The following CPEB1 variants were observed in gnomAD, a reference collection of about 807,000 sequenced individuals.
The protein encoded by CPEB1 is cytoplasmic polyadenylation element-binding protein 1.
CPEB1 carries 7 observed loss-of-function variants against 65.8 expected under a neutral mutation model. That is an observed-to-expected ratio of 0.11 (90% CI 0.06 to 0.20). The LOEUF is 0.20. Among genes scored for constraint, CPEB1 ranks in the 10% least tolerant of loss-of-function variants. The probability of loss-of-function intolerance (pLI) is 1.00; values close to 1 mark genes in which losing one functional copy is unlikely to be tolerated. For synonymous variants in CPEB1, 262 were observed against 260.0 expected (o/e 1.01, Z -0.08); for missense variants, 551 against 712.2 (o/e 0.77, Z 2.58).
At chr15:82,595,707 C>T (rs1172606685) in intron 3 of CPEB1, among the ~76,000 whole-genome samples, 3 of 152,138 alleles carry the variant, frequency 2.0e-5, no homozygotes, top group East Asian at 1.9e-4. Flanking sequence ...TTTGAAGAAA[C>T]GTTCTCTTCT....
intron 3 of CPEB1, among the ~76,000 whole-genome samples, chr15:82,606,873 C>T (rs1187024082): frequency 6.6e-6 from 1 of 151,656 alleles, no homozygotes; most frequent in East Asian, 1.9e-4. Flanking sequence ...TAGCTCATGC[C>T]TGCAATCCCA....
At chr15:82,610,000 C>T (rs1259182) in intron 3 of CPEB1, among the ~76,000 whole-genome samples, 59,839 of 148,786 alleles carry the variant, frequency 0.4, 12,014 homozygotes, top group South Asian at 0.49. Context: ...GTGGAGGTTG[C>T]GGTGAGCCGA....
chr15:82,619,914 T>C (rs2045136851), intron 3 of CPEB1, among the ~76,000 whole-genome samples: 1 of 152,012 alleles, frequency 6.6e-6, no homozygotes, highest in Non-Finnish European at 1.5e-5. Flanking sequence ...ATCCCTCTCC[T>C]AGGAAGATAA....
chr15:82,644,296 C>T (rs587754003), intron 1 of CPEB1, among the ~76,000 whole-genome samples: 3 of 152,194 alleles, frequency 2.0e-5, no homozygotes, highest in South Asian at 2.1e-4. Context: ...CTAGAATGTA[C>T]GCCACCAATA....
Position 82,644,141 on chromosome 15 carries a change from C to A in CPEB1, c.-98+2996G>T, listed in dbSNP as rs587638361. On this transcript the variant is annotated intron_variant, in intron 1 of 12. Coordinates refer to ENST00000684509, the MANE Select transcript of CPEB1 (RefSeq NM_001365242.1). ...GACATACATTGTGGAATGATAGACA[C>A]AGCACATTCCTCCTAACATCAGCAC... Among the ~76,000 whole-genome samples, 5 of 152,274 alleles carry A rather than the reference C, an allele frequency of 3.3e-5. No homozygotes were observed. In the South Asian group the frequency reaches 1.0e-3, roughly 32 times the overall value.
At chr15:82,565,465 C>T (rs540002246) in intron 4 of CPEB1, among the ~76,000 whole-genome samples, 39 of 152,162 alleles carry the variant, frequency 2.6e-4, no homozygotes, top group Non-Finnish European at 4.7e-4. Flanking sequence ...AAATAGCTAG[C>T]GTTAGACTGT....
intron 1 of CPEB1, among the ~76,000 whole-genome samples, chr15:82,633,535 G>A (rs1290726798): frequency 6.6e-6 from 1 of 152,126 alleles, no homozygotes. Flanking sequence ...ACCACGCCTG[G>A]CTAATTTTTG....
intron 4 of CPEB1, among the ~76,000 whole-genome samples, chr15:82,558,691 G>C (rs538187367): frequency 6.6e-6 from 1 of 152,248 alleles, no homozygotes; most frequent in South Asian, 2.1e-4. Context: ...TTTCTCACTG[G>C]CATTTAGGGT....
intron 3 of CPEB1, among the ~76,000 whole-genome samples, chr15:82,616,444 T>A (rs994030220): frequency 1.5e-4 from 23 of 152,222 alleles, no homozygotes; most frequent in African/African-American, 5.5e-4. Flanking sequence ...GATGTTTATA[T>A]TGTCTGAATA....
intron 1 of CPEB1, chr15:82,638,021 G>C (rs1251200529): frequency 8.9e-6 from 4 of 448,780 alleles, no homozygotes; most frequent in Admixed American, 2.4e-5. Flanking sequence ...TTTAGTATCT[G>C]GTTTAATATA....
intron 1 of CPEB1, among the ~76,000 whole-genome samples, chr15:82,639,429 T>G (rs899261603): frequency 8.5e-5 from 13 of 152,104 alleles, no homozygotes; most frequent in African/African-American, 3.1e-4. Flanking sequence ...ACCAGTTAGT[T>G]TTGCCCATTT....
intron 3 of CPEB1, among the ~76,000 whole-genome samples, chr15:82,606,136 T>G (rs1315144608): frequency 2.0e-5 from 3 of 152,122 alleles, no homozygotes; most frequent in Non-Finnish European, 4.4e-5. Flanking sequence ...GAAAATAAAA[T>G]TGGTTATTAT....
chr15:82,618,410 A>G (rs974467793), intron 3 of CPEB1, among the ~76,000 whole-genome samples: 2 of 152,250 alleles, frequency 1.3e-5, no homozygotes, highest in African/African-American at 4.8e-5. Context: ...TATATATGAG[A>G]CAGAATATGT....
intron 1 of CPEB1, among the ~76,000 whole-genome samples, chr15:82,635,812 G>A (rs2046613240): frequency 6.6e-6 from 1 of 152,292 alleles, no homozygotes; most frequent in African/African-American, 2.4e-5. Flanking sequence ...GTTTTGGCTA[G>A]AGAATAATGA....
At chr15:82,622,292 G>A (rs2045369471) in intron 3 of CPEB1, among the ~76,000 whole-genome samples, 3 of 152,112 alleles carry the variant, frequency 2.0e-5, no homozygotes, top group African/African-American at 7.2e-5. Flanking sequence ...GGCCTTCTTG[G>A]TGGGGTACTA....
intron 1 of CPEB1, among the ~76,000 whole-genome samples, chr15:82,633,987 C>T (rs1169284794): frequency 6.6e-6 from 1 of 151,400 alleles, no homozygotes; most frequent in African/African-American, 2.4e-5. Flanking sequence ...AAGAGGGTAG[C>T]ACCTACTTTG....
At chr15:82,642,124 A>G (rs1443422245) in intron 1 of CPEB1, among the ~76,000 whole-genome samples, 3 of 152,254 alleles carry the variant, frequency 2.0e-5, no homozygotes, top group African/African-American at 7.2e-5. Flanking sequence ...TATCTTCAAC[A>G]TAAAAACTTT....
chr15:82,628,264 A>G (rs1379750256), intron 2 of CPEB1, 100 bp downstream of exon 2: 4 of 702,708 alleles, frequency 5.7e-6, no homozygotes, highest in Non-Finnish European at 1.0e-5. Context: ...CACAGAGCCA[A>G]TACAGGAAAT....
intron 3 of CPEB1, among the ~76,000 whole-genome samples, chr15:82,625,101 T>C (rs990901398): frequency 1.3e-5 from 2 of 152,210 alleles, no homozygotes; most frequent in African/African-American, 4.8e-5. Context: ...AATTACAGGC[T>C]TAAGTCACCA....
Sources: gnomAD v4.1 joint callset for allele counts (sites outside exome capture counted in the v4.1 genomes callset) on GRCh38, gnomAD v4.1.1 for gene constraint, MANE v1.5 for transcripts, NCBI Gene and HGNC (gene_info 2026-07-23, HGNC 2026-07-21) for gene names.